ADAMTS12: variants seen among roughly 807,000 people sequenced by gnomAD.
ADAMTS12 encodes ADAM metallopeptidase with thrombospondin type 1 motif 12.
In ADAMTS12, 118 loss-of-function variants were observed where a neutral mutation model predicts 167.8. The observed-to-expected ratio is 0.70, with a 90% CI of 0.61 to 0.82. The LOEUF is 0.82. Among genes scored for constraint, ADAMTS12 ranks in the 40% least tolerant of loss-of-function variants. The pLI is 0.00. For missense variants in ADAMTS12, 1,916 were observed against 1,998.8 expected (o/e 0.96, Z 0.79); for synonymous variants, 704 against 716.9 (o/e 0.98, Z 0.29).
At chr5:33,753,823 G>A (rs146525228) in intron 2 of ADAMTS12, among the ~76,000 whole-genome samples, 36 of 152,244 alleles carry the variant, frequency 2.4e-4, no homozygotes, top group African/African-American at 6.0e-4. Context: ...GGGTGCACGC[G>A]GAAAATCACC....
chr5:33,649,811 A>T, intron 7 of ADAMTS12, 114 bp from the exon 8 acceptor site: 1 of 1,357,914 alleles, frequency 7.4e-7, no homozygotes. Flanking sequence ...TTTGTACAGA[A>T]GGCAACTGTT....
At chr5:33,864,708 A>G (rs1749746318) in intron 2 of ADAMTS12, among the ~76,000 whole-genome samples, 1 of 152,196 alleles carries the variant, frequency 6.6e-6, no homozygotes, top group South Asian at 2.1e-4. Context: ...ATGAAGGTGG[A>G]AACCATCATT....
intron 3 of ADAMTS12, among the ~76,000 whole-genome samples, chr5:33,730,277 A>C (rs1022301518): frequency 7.2e-6 from 1 of 139,600 alleles, no homozygotes; most frequent in African/African-American, 2.7e-5. Flanking sequence ...TTATGAGATC[A>C]GAGTCCATTA....
chr5:33,813,070 A>G (rs1453845129), intron 2 of ADAMTS12, among the ~76,000 whole-genome samples: 1 of 152,194 alleles, frequency 6.6e-6, no homozygotes, highest in African/African-American at 2.4e-5. Flanking sequence ...ACTAATTCAT[A>G]TTGAATTCCT....
At chr5:33,614,151 G>A in intron 16 of ADAMTS12, 87 bp downstream of exon 16, 1 of 1,509,632 alleles carries the variant, frequency 6.6e-7, no homozygotes, top group Middle Eastern at 2.4e-4. Context: ...CATGGGCAGA[G>A]AGCACAAAGC....
At chr5:33,622,750 A>G (rs1388888630) in intron 14 of ADAMTS12, among the ~76,000 whole-genome samples, 1 of 152,270 alleles carries the variant, frequency 6.6e-6, no homozygotes, top group Non-Finnish European at 1.5e-5. Context: ...CACTATAAAT[A>G]ATGAAAAATA....
At chr5:33,751,128 C>T in intron 3 of ADAMTS12, 1 of 488,562 alleles carries the variant, frequency 2.0e-6, no homozygotes, top group Non-Finnish European at 3.6e-6. Flanking sequence ...GTCTTATGAG[C>T]ATCATCAATT....
At chr5:33,624,439 C>A in intron 13 of ADAMTS12, 88 bp from the exon 14 acceptor site, 1 of 1,562,622 alleles carries the variant, frequency 6.4e-7, no homozygotes, top group Non-Finnish European at 8.7e-7. Flanking sequence ...CCCTTTGGTG[C>A]TTCATAAGAC....
At chr5:33,730,855 C>G (rs1242010714) in intron 3 of ADAMTS12, among the ~76,000 whole-genome samples, 1 of 152,190 alleles carries the variant, frequency 6.6e-6, no homozygotes, top group East Asian at 1.9e-4. Flanking sequence ...CAATTATTGT[C>G]CTGAAGTTCT....
At chr5:33,880,827 C>A (rs1041586616) in intron 2 of ADAMTS12, 3 of 364,640 alleles carry the variant, frequency 8.2e-6, no homozygotes. Context: ...AGGCTGAAAA[C>A]CAAACTCAAA....
intron 2 of ADAMTS12, among the ~76,000 whole-genome samples, chr5:33,817,711 TA>T (rs200036990): frequency 2.6e-5 from 4 of 151,494 alleles, no homozygotes; most frequent in Non-Finnish European, 3.0e-5. Flanking sequence ...GATTCTCTTT[TA>T]AAAAAAAATA....
chr5:33,776,783 T>G (rs1281647349), intron 2 of ADAMTS12, among the ~76,000 whole-genome samples: 2 of 151,852 alleles, frequency 1.3e-5, no homozygotes, highest in African/African-American at 2.4e-5. Flanking sequence ...TGACAAACCT[T>G]TAGCTAGACT....
intron 16 of ADAMTS12, among the ~76,000 whole-genome samples, chr5:33,598,037 CG>C (rs1554025112): frequency 1.3e-5 from 2 of 152,148 alleles, no homozygotes; most frequent in Non-Finnish European, 2.9e-5. Flanking sequence ...AAATCCCCTT[CG>C]GAAAGTTAAT....
Position 33,891,935 on chromosome 5 carries a change from A to G in ADAMTS12, c.-79T>C, listed in dbSNP as rs1580032882. 1.3e-6 allele frequency: 2 copies of G among 1,555,304 alleles called. No homozygotes were observed. Among genetic ancestry groups the G allele is most frequent in the East Asian group, 4.5e-5 (2 of 44,290 alleles). On this transcript the variant is annotated 5_prime_UTR_variant, in exon 1 of 24. Transcript: ENST00000504830. ...GAAATAAAGCGCTCGCCTGTGGCCC[A>G]GCAGGAAGATGCAGGGGTGCATGGT...
In ADAMTS12 at chr5:33,637,655, G is replaced by A. The variant is rs371132100; in HGVS notation, c.1810C>T (p.Arg604Trp). Residue 604 changes from arginine (R) to tryptophan (W), a missense_variant, in exon 12 of 24, where the codon CGG becomes TGG. By Grantham distance (101) the Arg-to-Trp change is moderately radical. Transcript: ENST00000504830. ...HPCRSEAPTF[R>W]QMQCSEFDTV... ...TCAAATTCACTGCACTGCATCTGCCGAAATGTTGGTGCCTCTGAGCGACAG... is the reference window on the plus strand; with the variant it reads ...TCAAATTCACTGCACTGCATCTGCCAAAATGTTGGTGCCTCTGAGCGACAG... 8 of 1,613,766 alleles carry A rather than the reference G, an allele frequency of 5.0e-6. No homozygotes were observed. The highest frequency in any genetic ancestry group is 2.2e-5 in the East Asian group (1 of 44,864).
At chr5:33,588,482 G>T in intron 18 of ADAMTS12, 117 bp downstream of exon 18, 1 of 1,223,088 alleles carries the variant, frequency 8.2e-7, no homozygotes, top group Non-Finnish European at 1.2e-6. Flanking sequence ...CAGGGGTGAT[G>T]AACACTGGCT....
At chr5:33,790,282 C>T (rs1438380212) in intron 2 of ADAMTS12, among the ~76,000 whole-genome samples, 1 of 152,054 alleles carries the variant, frequency 6.6e-6, no homozygotes, top group Admixed American at 6.5e-5. Context: ...TGGCCGGGCG[C>T]GGTGGCTCAC....
intron 14 of ADAMTS12, among the ~76,000 whole-genome samples, chr5:33,617,369 G>A (rs969385553): frequency 2.2e-4 from 34 of 152,032 alleles, no homozygotes; most frequent in African/African-American, 6.3e-4. Context: ...TTCCTCTGGC[G>A]CTAAAGAAGT....
chr5:33,866,930 T>TA (rs999861610), intron 2 of ADAMTS12, among the ~76,000 whole-genome samples: 71 of 148,586 alleles, frequency 4.8e-4, no homozygotes, highest in African/African-American at 1.5e-3. Context: ...TATTTAAAAG[T>TA]AAAAAAAAAA....
Sources: gnomAD v4.1 joint callset for allele counts (sites outside exome capture counted in the v4.1 genomes callset) on GRCh38, gnomAD v4.1.1 for gene constraint, MANE v1.5 for transcripts, NCBI Gene and HGNC (gene_info 2026-07-23, HGNC 2026-07-21) for gene names.